CDH12: variants seen among roughly 807,000 people sequenced by gnomAD.
CDH12 encodes cadherin 12.
In CDH12, 41 loss-of-function variants were observed where a neutral mutation model predicts 74.1. The ratio of observed to expected loss-of-function variants is 0.55; its 90% CI spans 0.43 to 0.72. The LOEUF (loss-of-function observed/expected upper bound fraction) is 0.72. Among genes scored for constraint, CDH12 ranks in the 30% least tolerant of loss-of-function variants. CDH12 has a pLI of 0.00. For missense variants in CDH12, 945 were observed against 977.2 expected (o/e 0.97, Z 0.44); for synonymous variants, 399 against 355.0 (o/e 1.12, Z -1.39).
At position 21,842,308 on chromosome 5, in the gene CDH12, G is replaced by C. The variant is rs115178807; in HGVS notation, c.667C>G (p.Pro223Ala). The change falls in exon 8 of 15, where the codon CCA becomes GCA. Residue 223 changes from proline (P) to alanine (A), a missense_variant. Around this residue, in one of 3 missense-constraint regions of CDH12, gnomAD observed 791 missense variants for 792.8 expected, o/e 1.00. Coordinates refer to ENST00000382254, the MANE Select transcript of CDH12 (RefSeq NM_004061.5). ...TCTTTGACTTCTCTGTCCATGTTTG[G>C]CAAAGCTGTTCTAATAACACCTTAA... is the stretch of plus-strand genomic sequence containing the variant. Reference protein sequence around the residue: ...PKTGVIRTALPNMDREVKEQY... With the variant: ...PKTGVIRTALANMDREVKEQY... 3.7e-6 allele frequency: 6 copies of C among 1,610,306 alleles called. No individual in the cohort carries two copies. Among genetic ancestry groups the C allele is most frequent in the Admixed American group, 3.4e-5 (2 of 59,472 alleles).
At chr5:22,583,643 G>A (rs573013579) in intron 1 of CDH12, among the ~76,000 whole-genome samples, 2 of 152,144 alleles carry the variant, frequency 1.3e-5, no homozygotes, top group South Asian at 2.1e-4. Flanking sequence ...ACAAAAGTCA[G>A]AACAAAAAGG....
At chr5:21,786,477 T>C (rs1185225903) in intron 10 of CDH12, among the ~76,000 whole-genome samples, 1 of 151,882 alleles carries the variant, frequency 6.6e-6, no homozygotes, top group Non-Finnish European at 1.5e-5. Flanking sequence ...TTAAGTCTAC[T>C]GTTGAGACCC....
At position 22,604,062 on chromosome 5, in the gene CDH12, C is replaced by T. The variant is rs1736979892; in HGVS notation, c.-522-98698G>A. Among the ~76,000 whole-genome samples the T allele has an allele frequency of 1.3e-5, 2 of 152,202 alleles. 1 individual carries two copies. Among genetic ancestry groups the T allele is most frequent in the South Asian group, 4.1e-4 (2 of 4,820 alleles). On this transcript the variant is annotated intron_variant, in intron 1 of 14. Transcript: ENST00000382254. ...CTCTCTTAGGAACACAGACAATTCA[C>T]TATAGCAATGAGATGGAAGGAAGAA...
chr5:22,074,365 A>T (rs2150220694), intron 5 of CDH12, among the ~76,000 whole-genome samples: 1 of 152,340 alleles, frequency 6.6e-6, no homozygotes, highest in East Asian at 1.9e-4. Context: ...AAACCCTAGA[A>T]GAAAACCTAG....
chr5:22,804,998 T>C (rs1326138662), intron 1 of CDH12, among the ~76,000 whole-genome samples: 2 of 152,166 alleles, frequency 1.3e-5, no homozygotes, highest in African/African-American at 4.8e-5. Context: ...ATATCAAGTA[T>C]GGGCAAGAAT....
intron 2 of CDH12, among the ~76,000 whole-genome samples, chr5:22,438,936 A>C (rs1744513969): frequency 1.3e-5 from 2 of 151,888 alleles, no homozygotes; most frequent in Non-Finnish European, 2.9e-5. Context: ...TAATGTGAAA[A>C]TGACAATGGG....
At chr5:21,988,935 T>C (rs1490423531) in intron 5 of CDH12, among the ~76,000 whole-genome samples, 3 of 152,130 alleles carry the variant, frequency 2.0e-5, no homozygotes, top group Admixed American at 2.0e-4. Flanking sequence ...ACAGATTCTC[T>C]AGTAGAAATT....
intron 10 of CDH12, among the ~76,000 whole-genome samples, chr5:21,786,635 C>CA: frequency 6.6e-6 from 1 of 152,178 alleles, no homozygotes; most frequent in African/African-American, 2.4e-5. Context: ...AGTCCATAGA[C>CA]AAAAAATGTA....
intron 1 of CDH12, among the ~76,000 whole-genome samples, chr5:22,767,855 T>C (rs944919937): frequency 2.0e-5 from 3 of 151,990 alleles, no homozygotes; most frequent in Admixed American, 2.0e-4. Flanking sequence ...CTGGGGGCTT[T>C]AGAATTTCCT....
intron 5 of CDH12, among the ~76,000 whole-genome samples, chr5:22,015,290 T>A (rs1580115659): frequency 6.6e-6 from 1 of 152,296 alleles, no homozygotes; most frequent in East Asian, 1.9e-4. Flanking sequence ...CATTTCTATT[T>A]GTGTGGTTTT....
intron 8 of CDH12, among the ~76,000 whole-genome samples, chr5:21,825,785 A>G (rs920780697): frequency 6.6e-6 from 1 of 151,984 alleles, no homozygotes; most frequent in Non-Finnish European, 1.5e-5. Flanking sequence ...CTCTTCTGAG[A>G]CTCTACAATT....
intron 8 of CDH12, among the ~76,000 whole-genome samples, chr5:21,835,727 A>T (rs1451874629): frequency 6.6e-6 from 1 of 151,762 alleles, no homozygotes; most frequent in Non-Finnish European, 1.5e-5. Flanking sequence ...ATTTTAAAAA[A>T]CATTTCTTTA....
chr5:22,438,033 C>T (rs1184854635), intron 2 of CDH12, among the ~76,000 whole-genome samples: 1 of 151,928 alleles, frequency 6.6e-6, no homozygotes, highest in Non-Finnish European at 1.5e-5. Flanking sequence ...TTTAGGGAAG[C>T]AAAGTATCTT....
rs1483683179 is a variant in CDH12 at position 22,701,183 on chromosome 5, T to C, written c.-523+151875A>G. ...TTTGGCCAGCTGCCTACTTCACATATTCATTTGTAGGTTTGATAATCACCT... is the reference window on the plus strand; with the variant it reads ...TTTGGCCAGCTGCCTACTTCACATACTCATTTGTAGGTTTGATAATCACCT... On this transcript the variant is annotated intron_variant, in intron 1 of 14. Transcript: ENST00000382254. 2.6e-5 allele frequency among the ~76,000 whole-genome samples: 4 copies of C among 152,144 alleles called. No homozygotes were observed. In the East Asian group the frequency reaches 7.7e-4, roughly 29 times the overall value.
Position 22,585,719 on chromosome 5 carries a change from ATT to A in CDH12, c.-522-80357_-522-80356del, listed in dbSNP as rs35930938. 1.7e-4 allele frequency among the ~76,000 whole-genome samples: 25 copies of A among 146,880 alleles called. No individual in the cohort carries two copies. The East Asian group carries it at 4.6e-3, about 27-fold the overall frequency. ...AACCCGTCCAGTGACATTTTACTAC[ATT>A]TTTTTTTTAAAGTTTAATTTTGTTA... On this transcript the variant is annotated intron_variant, in intron 1 of 14. Transcript: ENST00000382254.
intron 1 of CDH12, among the ~76,000 whole-genome samples, chr5:22,592,200 A>G (rs902843441): frequency 3.2e-4 from 48 of 152,306 alleles, no homozygotes; most frequent in African/African-American, 1.1e-3. Context: ...ATCTCTGATC[A>G]ACTCATCTGG....
chr5:22,518,867 T>G (rs1371363173), intron 1 of CDH12, among the ~76,000 whole-genome samples: 1 of 152,094 alleles, frequency 6.6e-6, no homozygotes, highest in Admixed American at 6.5e-5. Context: ...AGTACAGGAA[T>G]TGGTAGGGCC....
At chr5:22,727,116 T>A (rs1744202177) in intron 1 of CDH12, among the ~76,000 whole-genome samples, 1 of 151,680 alleles carries the variant, frequency 6.6e-6, no homozygotes, top group African/African-American at 2.4e-5. Context: ...TGAACATAAA[T>A]TTTTCACTCT....
intron 11 of CDH12, among the ~76,000 whole-genome samples, chr5:21,767,285 G>A (rs1297590496): frequency 1.3e-5 from 2 of 151,568 alleles, no homozygotes; most frequent in Non-Finnish European, 3.0e-5. Flanking sequence ...TTCCACAGGG[G>A]ACAGGAGTTT....
Sources: allele counts gnomAD v4.1 joint callset (sites outside exome capture counted in the v4.1 genomes callset), GRCh38; gene constraint gnomAD v4.1.1; regional missense constraint gnomAD v4.1.1; transcripts MANE v1.5; gene names NCBI Gene and HGNC (gene_info 2026-07-23, HGNC 2026-07-21).